Variants in TCF4 observed in about 807,000 individuals in gnomAD.
The protein encoded by TCF4 is SL3-3 enhancer factor 2.
Under a neutral mutation model 82.1 loss-of-function variants are expected in TCF4, and 3 were observed. The observed-to-expected ratio is 0.04, with a 90% confidence interval of 0.02 to 0.09. The LOEUF (loss-of-function observed/expected upper bound fraction) is 0.09, where lower values mean the gene tolerates loss of function less well. Among genes scored for constraint, TCF4 ranks in the 10% least tolerant of loss-of-function variants. The pLI is 1.00. For missense variants in TCF4, 518 were observed against 852.7 expected, an observed-to-expected ratio of 0.61 and a Z score of 4.89; for synonymous variants, 276 against 309.6, an observed-to-expected ratio of 0.89 and a Z score of 1.14.
chr18:55,590,913 G>GT (rs1234413673), upstream of TCF4, among the ~76,000 whole-genome samples: 2 of 152,218 alleles, frequency 1.3e-5, no homozygotes, highest in Non-Finnish European at 2.9e-5. Flanking sequence ...AAGAAGTTTT[G>GT]TAAGTGGTAC....
Position 55,410,822 on chromosome 18 carries a change from T to C in TCF4, c.305-7304A>G, listed in dbSNP as rs183968157. On this transcript the variant is annotated intron_variant, in intron 5 of 19. Coordinates refer to ENST00000354452, the MANE Select transcript of TCF4 (RefSeq NM_001083962.2). ...GTCAAAGAGTTCTCAAGTTCCATGA[T>C]GGATGAAAATGTCCGAATCGATAAG... Among the ~76,000 whole-genome samples, 3 of 152,298 alleles carry C rather than the reference T, an allele frequency of 2.0e-5. No individual in the cohort carries two copies. The East Asian group carries it at 5.8e-4, about 29-fold the overall frequency.
At chr18:55,516,649 A>C (rs1455820432) in intron 3 of TCF4, among the ~76,000 whole-genome samples, 1 of 152,148 alleles carries the variant, frequency 6.6e-6, no homozygotes, top group Non-Finnish European at 1.5e-5. Context: ...TTCTGATATG[A>C]CATTTGAGTG....
At chr18:55,631,486 TTGG>T in intron 1 of TCF4, 2 of 1,358,264 alleles carry the variant, frequency 1.5e-6, no homozygotes, top group Non-Finnish European at 2.0e-6. Flanking sequence ...TGATAATGTT[TTGG>T]GTTAGGGTAA....
intron 2 of TCF4, among the ~76,000 whole-genome samples, chr18:55,620,869 A>G (rs1045725086): frequency 6.6e-6 from 1 of 151,638 alleles, no homozygotes; most frequent in Non-Finnish European, 1.5e-5. Context: ...TTGGTTGGGA[A>G]CAGGGTTTCT....
At chr18:55,389,062 A>AGC in intron 6 of TCF4, among the ~76,000 whole-genome samples, 1 of 151,700 alleles carries the variant, frequency 6.6e-6, no homozygotes, top group South Asian at 2.1e-4. Context: ...GGAGGCAGGG[A>AGC]TTGCAGTGAG....
chr18:55,470,436 G>C (rs2096149199), intron 3 of TCF4, among the ~76,000 whole-genome samples: 1 of 152,190 alleles, frequency 6.6e-6, no homozygotes, highest in Non-Finnish European at 1.5e-5. Flanking sequence ...TAAGAATTCA[G>C]TAAGCATTAG....
At chr18:55,587,970 C>T (rs2097668453) in intron 1 of TCF4, 68 bp downstream of exon 1, 4 of 953,788 alleles carry the variant, frequency 4.2e-6, no homozygotes, top group Non-Finnish European at 5.0e-6. Context: ...CGTGCGGGGC[C>T]GCCGAGCCCG....
chr18:55,474,106 A>T (rs1043554228), intron 3 of TCF4, among the ~76,000 whole-genome samples: 1 of 152,230 alleles, frequency 6.6e-6, no homozygotes, highest in African/African-American at 2.4e-5. Context: ...AACTGTTTAC[A>T]GTTGTATAAA....
chr18:55,439,371 C>G (rs373023415), intron 5 of TCF4, among the ~76,000 whole-genome samples: 4 of 152,296 alleles, frequency 2.6e-5, no homozygotes, highest in South Asian at 4.1e-4. Flanking sequence ...CTCTCCAGAC[C>G]TTTGCCCATC....
At chr18:55,484,573 T>C (rs1246658676) in intron 3 of TCF4, among the ~76,000 whole-genome samples, 1 of 152,194 alleles carries the variant, frequency 6.6e-6, no homozygotes, top group Non-Finnish European at 1.5e-5. Flanking sequence ...TTTTTCTTAA[T>C]TGTGCATGGC....
chr18:55,241,555 C>T (rs948766), intron 15 of TCF4, among the ~76,000 whole-genome samples: 6,840 of 152,268 alleles, frequency 0.045, 498 homozygotes, highest in African/African-American at 0.16. Flanking sequence ...TTCTGAATGC[C>T]TGAAGTGCAA....
chr18:55,589,910 C>T, upstream of TCF4: 1 of 884,768 alleles, frequency 1.1e-6, no homozygotes, highest in Non-Finnish European at 1.4e-6. Context: ...CCTAGAGAGG[C>T]GGCCAAGATG....
intron 15 of TCF4, 57 bp downstream of exon 15, chr18:55,254,440 T>C (rs1185521865): frequency 6.6e-7 from 1 of 1,521,996 alleles, no homozygotes; most frequent in Non-Finnish European, 9.1e-7. Flanking sequence ...ATAGTATCTA[T>C]ATCTGAAATT....
At position 55,257,190 on chromosome 18, in the gene TCF4, G is replaced by A. The variant is rs189735867; in HGVS notation, c.1146+125C>T. On this transcript the variant is annotated intron_variant, in intron 14 of 19. Coordinates refer to ENST00000354452, the MANE Select transcript of TCF4 (RefSeq NM_001083962.2). The stretch of plus-strand genomic sequence containing the variant: ...TAATGACTCTGGCTCCCGCAAACCT[G>A]TGTGCTTAATGCTGACTTAAAGTTA... 23 of 990,736 alleles carry A rather than the reference G, an allele frequency of 2.3e-5. No homozygotes were observed. In the East Asian group the frequency reaches 4.5e-4, roughly 19 times the overall value. 61.4% of individuals were successfully genotyped at this position (990,736 alleles called of 1,614,324 possible). A position where few individuals can be genotyped will look rare whatever the true frequency, so the allele number is the denominator to read the frequency against.
At chr18:55,267,861 A>G (rs951685876) in intron 11 of TCF4, 1 of 152,166 alleles carries the variant, frequency 6.6e-6, no homozygotes, top group African/African-American at 2.4e-5. Flanking sequence ...ATTATTGTCA[A>G]GACCCTTAAA....
chr18:55,303,047 A>C (rs1049491064), intron 8 of TCF4, among the ~76,000 whole-genome samples: 4 of 152,220 alleles, frequency 2.6e-5, no homozygotes, highest in African/African-American at 9.7e-5. Context: ...TAACTCTTTG[A>C]TAGCAGTAAA....
At chr18:55,255,744 C>T (rs1456214983) in intron 14 of TCF4, among the ~76,000 whole-genome samples, 3 of 152,048 alleles carry the variant, frequency 2.0e-5, no homozygotes, top group South Asian at 2.1e-4. Flanking sequence ...GAATTAGTTA[C>T]GTAGTGTCAC....
chr18:55,540,348 T>G (rs2097155285), intron 3 of TCF4, among the ~76,000 whole-genome samples: 1 of 152,274 alleles, frequency 6.6e-6, no homozygotes, highest in South Asian at 2.1e-4. Flanking sequence ...CTAATTATGA[T>G]ATTTTGTCTA....
intron 19 of TCF4, 91 bp downstream of exon 19, chr18:55,228,130 C>A: frequency 6.6e-7 from 1 of 1,513,136 alleles, no homozygotes; most frequent in East Asian, 2.3e-5. Flanking sequence ...AAGAAAATAT[C>A]TGTCAATTTG....
Sources: gnomAD v4.1 joint callset for allele counts (sites outside exome capture counted in the v4.1 genomes callset) on GRCh38, gnomAD v4.1.1 for gene constraint, MANE v1.5 for transcripts, NCBI Gene and HGNC (gene_info 2026-07-23, HGNC 2026-07-21) for gene names.